The following KCTD20 variants were observed in gnomAD, a reference collection of about 807,000 sequenced individuals.
KCTD20 encodes potassium channel tetramerization domain containing 20.
KCTD20 carries 30 observed loss-of-function variants against 39.6 expected under a neutral mutation model. The observed-to-expected ratio is 0.76, with a 90% CI of 0.57 to 1.03. KCTD20 has a LOEUF of 1.03. Ranked by LOEUF, KCTD20 falls within the 50% of genes least tolerant of loss-of-function variation. KCTD20 has a pLI of 0.00. For missense variants in KCTD20, 422 were observed against 522.0 expected (o/e 0.81, Z 1.87); for synonymous variants, 162 against 180.6 (o/e 0.90, Z 0.83).
rs1776466013 is a variant in KCTD20 at position 36,487,573 on chromosome 6, AG to A, written c.*399del. The A allele has an allele frequency of 6.1e-6, 1 of 163,554 alleles. No homozygotes were observed. Among genetic ancestry groups the A allele is most frequent in the African/African-American group, 2.4e-5 (1 of 41,742 alleles). The allele number at this position is 163,554 out of a possible 1,614,324, so 10.1% of individuals were successfully genotyped here. A position where few individuals can be genotyped will look rare whatever the true frequency, so the allele number is the denominator to read the frequency against. ...TTTTATACCAGGCAAATTGCTTAGT[AG>A]CAAAGGGACCAAACTGAAAAGGTGA... On this transcript the variant is annotated 3_prime_UTR_variant, in exon 8 of 8. Transcript: ENST00000373731.
At chr6:36,467,746 A>G (rs942165401) in intron 1 of KCTD20, among the ~76,000 whole-genome samples, 1 of 152,170 alleles carries the variant, frequency 6.6e-6, no homozygotes, top group African/African-American at 2.4e-5. Flanking sequence ...TACTCGTCAA[A>G]GCATTTGTTT....
At chr6:36,482,485 G>A (rs769445333) in intron 6 of KCTD20, among the ~76,000 whole-genome samples, 10 of 152,152 alleles carry the variant, frequency 6.6e-5, no homozygotes, top group Non-Finnish European at 1.5e-4. Context: ...CCTGGGAGGC[G>A]GCGGTTGCAG....
Position 36,490,108 on chromosome 6 carries a change from G to A in KCTD20, c.*2933G>A, listed in dbSNP as rs1776540492. 2 of 152,254 alleles carry A rather than the reference G, an allele frequency of 1.3e-5. No individual in the cohort carries two copies. The highest frequency in any genetic ancestry group is 4.8e-5 in the African/African-American group (2 of 41,466). The allele number at this position is 152,254 out of a possible 1,614,324, so 9.4% of individuals were successfully genotyped here. A position where few individuals can be genotyped will look rare whatever the true frequency, so the allele number is the denominator to read the frequency against. On this transcript the variant is annotated 3_prime_UTR_variant, in exon 8 of 8. Coordinates refer to ENST00000373731, the MANE Select transcript of KCTD20 (RefSeq NM_173562.5). ...CTGTGGAATAAGCCCAGGAAGGTTA[G>A]ATGTGTTTGCAAATAAGTTGCCCAA...
intron 2 of KCTD20, among the ~76,000 whole-genome samples, chr6:36,473,744 G>A (rs1329484127): frequency 1.3e-5 from 2 of 152,012 alleles, no homozygotes; most frequent in South Asian, 2.1e-4. Context: ...CTGCACTCCA[G>A]CCTGGGCGAC....
rs757685209 is a variant in KCTD20 at position 36,489,804 on chromosome 6, C to T, written c.*2629C>T. The T allele has an allele frequency of 2.0e-5, 3 of 152,074 alleles. No homozygotes were observed. The highest frequency in any genetic ancestry group is 2.9e-5 in the Non-Finnish European group (2 of 68,022). The allele number at this position is 152,074 out of a possible 1,614,324, so 9.4% of individuals were successfully genotyped here. A position where few individuals can be genotyped will look rare whatever the true frequency, so the allele number is the denominator to read the frequency against. On this transcript the variant is annotated 3_prime_UTR_variant, in exon 8 of 8. Coordinates refer to ENST00000373731, the MANE Select transcript of KCTD20 (RefSeq NM_173562.5). ...AGAAATCGGCAAGCCAAGATTAACCCGAATCTGAAGTTTAGAATCTTGAGT... is the reference window on the plus strand; with the variant it reads ...AGAAATCGGCAAGCCAAGATTAACCTGAATCTGAAGTTTAGAATCTTGAGT...
chr6:36,483,853 A>G (rs1237208373), intron 6 of KCTD20, among the ~76,000 whole-genome samples: 1 of 151,456 alleles, frequency 6.6e-6, no homozygotes, highest in Non-Finnish European at 1.5e-5. Context: ...TATCTTTGCT[A>G]CTTTCTTAGT....
intron 5 of KCTD20, among the ~76,000 whole-genome samples, chr6:36,480,632 G>A (rs1361625704): frequency 1.3e-5 from 2 of 152,016 alleles, no homozygotes; most frequent in Admixed American, 1.3e-4. Flanking sequence ...CACAATCTCA[G>A]CTCACTGCAG....
Position 36,490,347 on chromosome 6 carries a change from C to G in KCTD20, c.*3172C>G, listed in dbSNP as rs1776549202. Reference sequence around the variant, plus strand: ...GTCAGGAGTTCGAGACCAGCCTGGCCAACATGGTGAAACCCCGTCTCTACT... The same window carrying G: ...GTCAGGAGTTCGAGACCAGCCTGGCGAACATGGTGAAACCCCGTCTCTACT... On this transcript the variant is annotated 3_prime_UTR_variant, in exon 8 of 8. Coordinates refer to ENST00000373731, the MANE Select transcript of KCTD20 (RefSeq NM_173562.5). 1.3e-5 allele frequency: 2 copies of G among 151,966 alleles called. No individual in the cohort carries two copies. Among genetic ancestry groups the G allele is most frequent in the South Asian group, 4.2e-4 (2 of 4,814 alleles). The allele number at this position is 151,966 out of a possible 1,614,324, so 9.4% of individuals were successfully genotyped here.
chr6:36,479,015 T>G, intron 3 of KCTD20, 106 bp from the exon 4 acceptor site: 8 of 739,852 alleles, frequency 1.1e-5, no homozygotes, highest in East Asian at 2.6e-5. Flanking sequence ...ATTTATACTA[T>G]GAGAGAGTGG....
At chr6:36,449,907 G>A (rs1775188083) in intron 1 of KCTD20, among the ~76,000 whole-genome samples, 1 of 152,300 alleles carries the variant, frequency 6.6e-6, no homozygotes, top group East Asian at 1.9e-4. Context: ...GCTCACGCCT[G>A]TAATCCCAGC....
At chr6:36,481,805 C>G (rs780112628) in intron 6 of KCTD20, 46 bp downstream of exon 6, 1 of 1,533,818 alleles carries the variant, frequency 6.5e-7, no homozygotes, top group South Asian at 1.1e-5. Context: ...AAGAAACTTG[C>G]TACCTGGAGT....
chr6:36,475,551 G>GA (rs1032330410), intron 3 of KCTD20, among the ~76,000 whole-genome samples: 22 of 152,126 alleles, frequency 1.4e-4, no homozygotes, highest in Admixed American at 6.5e-5. Context: ...TCGGGGTGGG[G>GA]AGAGTACTTC....
chr6:36,485,276 T>G (rs1195715400), intron 7 of KCTD20, among the ~76,000 whole-genome samples: 1 of 151,600 alleles, frequency 6.6e-6, no homozygotes, highest in Non-Finnish European at 1.5e-5. Context: ...CCAAGGTAAT[T>G]GCACTCCAGC....
chr6:36,477,602 C>T (rs1188068082), intron 3 of KCTD20, among the ~76,000 whole-genome samples: 2 of 150,840 alleles, frequency 1.3e-5, no homozygotes, highest in Admixed American at 6.6e-5. Flanking sequence ...GCCTCAGCCT[C>T]CCGCACAGCT....
intron 1 of KCTD20, among the ~76,000 whole-genome samples, chr6:36,460,721 A>G (rs548412389): frequency 3.3e-5 from 5 of 152,178 alleles, no homozygotes; most frequent in Non-Finnish European, 7.3e-5. Flanking sequence ...AGATGTGCCC[A>G]TTATCAGCAC....
chr6:36,446,717 T>C (rs898819629), intron 1 of KCTD20, among the ~76,000 whole-genome samples: 1 of 152,218 alleles, frequency 6.6e-6, no homozygotes, highest in African/African-American at 2.4e-5. Context: ...AATGAGATTA[T>C]TGGGAATAGT....
chr6:36,481,467 A>G, intron 5 of KCTD20, 95 bp from the exon 6 acceptor site: 2 of 900,668 alleles, frequency 2.2e-6, no homozygotes, highest in Admixed American at 1.8e-5. Flanking sequence ...TCTGAACCTC[A>G]TCAATGATAA....
chr6:36,447,663 T>C (rs554680797), intron 1 of KCTD20, among the ~76,000 whole-genome samples: 4 of 151,848 alleles, frequency 2.6e-5, no homozygotes, highest in Admixed American at 2.6e-4. Context: ...AAATTTTTGA[T>C]ATACTATTGT....
At position 36,488,911 on chromosome 6, in the gene KCTD20, C is replaced by T. The variant is rs1370381271; in HGVS notation, c.*1736C>T. 1 of 152,614 alleles carries T rather than the reference C, an allele frequency of 6.6e-6. No individual in the cohort carries two copies. The highest frequency in any genetic ancestry group is 1.9e-4 in the East Asian group (1 of 5,200). 9.5% of individuals were successfully genotyped at this position (152,614 alleles called of 1,614,324 possible). A position where few individuals can be genotyped will look rare whatever the true frequency, so the allele number is the denominator to read the frequency against. On this transcript the variant is annotated 3_prime_UTR_variant, in exon 8 of 8. Transcript: ENST00000373731. ...TAGTAAGTGGTTAAACTGAGCTATC[C>T]CCCACCTGATGACTATTGGCATCCA... is the stretch of plus-strand genomic sequence containing the variant.
Sources: gnomAD v4.1 joint callset for allele counts (sites outside exome capture counted in the v4.1 genomes callset) on GRCh38, gnomAD v4.1.1 for gene constraint, MANE v1.5 for transcripts, NCBI Gene and HGNC (gene_info 2026-07-23, HGNC 2026-07-21) for gene names.